Variants in OBI1 observed in about 807,000 individuals in gnomAD.
OBI1 encodes ORC ubiquitin ligase 1, also known as ring finger protein 219.
In OBI1, 59 loss-of-function variants were observed where a neutral mutation model predicts 62.4. The ratio of observed to expected loss-of-function variants is 0.95; its 90% CI spans 0.77 to 1.17. The LOEUF (loss-of-function observed/expected upper bound fraction) is 1.17. Among genes scored for constraint, OBI1 ranks in the 50% most tolerant of loss-of-function variants. The pLI, the probability that OBI1 is intolerant of heterozygous loss-of-function variation, is 0.00. For missense variants in OBI1, 875 were observed against 830.9 expected, an observed-to-expected ratio of 1.05 and a Z score of -0.65; for synonymous variants, 302 against 292.8, an observed-to-expected ratio of 1.03 and a Z score of -0.32.
chr13:78,657,590 T>C (rs1876750125), intron 1 of OBI1, among the ~76,000 whole-genome samples: 1 of 152,232 alleles, frequency 6.6e-6, no homozygotes, highest in Non-Finnish European at 1.5e-5. Context: ...CTATGAGGTA[T>C]CACTCTCGTT....
chr13:78,620,651 T>C (rs1325638), intron 5 of OBI1: 16,496 of 456,540 alleles, frequency 0.036, 2,100 homozygotes, highest in African/African-American at 0.29. Flanking sequence ...CTTGTCCAAA[T>C]AGCTCTAAGA....
chr13:78,624,376 T>C (rs1035100112), intron 5 of OBI1, among the ~76,000 whole-genome samples: 1 of 152,196 alleles, frequency 6.6e-6, no homozygotes, highest in Non-Finnish European at 1.5e-5. Context: ...AAAAGTACCA[T>C]TTAAAAATCA....
At chr13:78,644,701 C>T (rs1876329864) in intron 2 of OBI1, among the ~76,000 whole-genome samples, 161 bp downstream of exon 2, 1 of 152,072 alleles carries the variant, frequency 6.6e-6, no homozygotes, top group South Asian at 2.1e-4. Context: ...CCTTGTGCCC[C>T]AGTTGCTCCA....
chr13:78,639,142 G>A, intron 3 of OBI1, 71 bp from the exon 4 acceptor site: 2 of 1,459,256 alleles, frequency 1.4e-6, no homozygotes, highest in Non-Finnish European at 1.8e-6. Flanking sequence ...CTAAACTGAA[G>A]CCAACATGGT....
At chr13:78,617,440 A>G (rs1875349639) in intron 5 of OBI1, 1 of 228,486 alleles carries the variant, frequency 4.4e-6, no homozygotes, top group Non-Finnish European at 8.6e-6. Flanking sequence ...TCATATATGC[A>G]TGAAGAGTTA....
intron 5 of OBI1, among the ~76,000 whole-genome samples, chr13:78,620,065 T>C (rs1258747152): frequency 6.6e-6 from 1 of 152,216 alleles, no homozygotes; most frequent in Non-Finnish European, 1.5e-5. Flanking sequence ...CATTCTATAC[T>C]GCTCCACCCC....
chr13:78,642,101 T>G (rs774525026), intron 3 of OBI1, 21 bp downstream of exon 3: 9 of 1,443,954 alleles, frequency 6.2e-6, no homozygotes, highest in Middle Eastern at 1.8e-4. Context: ...AACATAATTT[T>G]AAACTTTGAT....
chr13:78,646,617 C>T (rs1224302371), intron 1 of OBI1, among the ~76,000 whole-genome samples: 2 of 151,920 alleles, frequency 1.3e-5, no homozygotes, highest in Non-Finnish European at 2.9e-5. Context: ...AACTGGAAGA[C>T]TAGGTCAAGG....
In OBI1 at chr13:78,626,545, CACATA is replaced by C. The variant is rs879904564; in HGVS notation, c.638+8560_638+8564del. ...TGTCTAGGAAAATTAGGGAGGGCCT[CACATA>C]TAAACCAACAACTGGGCTAGATCTC... is the stretch of plus-strand genomic sequence containing the variant. On this transcript the variant is annotated intron_variant, in intron 5 of 5. Coordinates refer to ENST00000282003, the MANE Select transcript of OBI1 (RefSeq NM_024546.4). 9.1e-3 allele frequency among the ~76,000 whole-genome samples: 1,387 copies of C among 152,092 alleles called. 20 individuals are homozygous for C. Among genetic ancestry groups the C allele is most frequent in the African/African-American group, 0.03 (1,242 of 41,448 alleles).
chr13:78,652,645 TG>T (rs1280705291), intron 1 of OBI1, among the ~76,000 whole-genome samples: 1 of 152,256 alleles, frequency 6.6e-6, no homozygotes, highest in Non-Finnish European at 1.5e-5. Flanking sequence ...TTCCACAGAC[TG>T]GGGGGTTTCA....
rs1278655763 is a variant in OBI1 at position 78,644,844 on chromosome 13, T to C, written c.208+18A>G. ...TGTTTCAAACCTATTCCTATGCATA[T>C]ATAAAACAGGCCCTTACCTATAATT... On this transcript the variant is annotated intron_variant, in intron 2 of 5. Coordinates refer to ENST00000282003, the MANE Select transcript of OBI1 (RefSeq NM_024546.4). 1.2e-6 allele frequency: 2 copies of C among 1,610,190 alleles called. No individual in the cohort carries two copies. Among genetic ancestry groups the C allele is most frequent in the Admixed American group, 1.7e-5 (1 of 59,982 alleles).
chr13:78,619,154 G>C (rs1462701486), intron 5 of OBI1, among the ~76,000 whole-genome samples: 2 of 151,948 alleles, frequency 1.3e-5, no homozygotes, highest in Non-Finnish European at 2.9e-5. Flanking sequence ...TACATAGTAA[G>C]TCAGTTGCTA....
chr13:78,617,241 T>A, intron 5 of OBI1, 119 bp from the exon 6 acceptor site: 1 of 707,452 alleles, frequency 1.4e-6, no homozygotes, highest in Non-Finnish European at 2.2e-6. Context: ...TTCAGACCAC[T>A]CAATGAGTAG....
In OBI1 at chr13:78,616,739, T is replaced by G; in HGVS notation, c.1022A>C (p.Asn341Thr). 6.2e-7 allele frequency: 1 copy of G among 1,614,220 alleles called. No homozygotes were observed. The highest frequency in any genetic ancestry group is 8.5e-7 in the Non-Finnish European group (1 of 1,180,024). Reference protein sequence around the residue: ...TSKADLNCSKNKDLYQEQVEV... With the variant: ...TSKADLNCSKTKDLYQEQVEV... ...TACCTGTTCTTGATATAGGTCTTTG[T>G]TCTTAGAACAGTTAAGGTCTGCTTT... is the stretch of plus-strand genomic sequence containing the variant. The change falls in exon 6 of 6, where the codon AAC becomes ACC. Residue 341 changes from asparagine to threonine, a missense_variant. By Grantham distance (65) the Asn-to-Thr change is moderately conservative (BLOSUM62 0). Transcript: ENST00000282003.
In OBI1 at chr13:78,659,044, A is replaced by G; in HGVS notation, c.72+5T>C. 1 of 1,612,502 alleles carries G rather than the reference A, an allele frequency of 6.2e-7. No homozygotes were observed. The highest frequency in any genetic ancestry group is 8.5e-7 in the Non-Finnish European group (1 of 1,179,160). On this transcript the variant is annotated splice_donor_5th_base_variant and intron_variant, in intron 1 of 5. Transcript: ENST00000282003. ...TTTGTAGCTGTGCCCACAATCACCCATTACCTTCCCCAAGCAAATGTGGCA... is the reference window on the plus strand; with the variant it reads ...TTTGTAGCTGTGCCCACAATCACCCGTTACCTTCCCCAAGCAAATGTGGCA...
chr13:78,628,672 G>A lies in OBI1; in HGVS notation c.638+6438C>T, dbSNP rs577034858. On this transcript the variant is annotated intron_variant, in intron 5 of 5. Transcript: ENST00000282003. ...AAACACTGAATAGTTTTAAGCAGGA[G>A]ATTTAAATAATTTTATATGTACTTT... Among the ~76,000 whole-genome samples the A allele has an allele frequency of 6.6e-5, 10 of 152,294 alleles. No individual in the cohort carries two copies. The South Asian group carries it at 2.1e-3, about 32-fold the overall frequency.
At position 78,643,410 on chromosome 13, in the gene OBI1, G is replaced by C. The variant is rs568353656; in HGVS notation, c.209-1197C>G. Among the ~76,000 whole-genome samples, 78 of 152,310 alleles carry C rather than the reference G, an allele frequency of 5.1e-4. 1 individual carries two copies. The South Asian group carries it at 8.9e-3, about 17-fold the overall frequency. ...CACCCAGGTACCAAGAGCCAACTCT[G>C]ATTGCGCCTTCAGATCTCTTATTTC... On this transcript the variant is annotated intron_variant, in intron 2 of 5. Transcript: ENST00000282003.
chr13:78,621,971 CA>C (rs757716995), intron 5 of OBI1, among the ~76,000 whole-genome samples: 15 of 152,032 alleles, frequency 9.9e-5, no homozygotes, highest in East Asian at 7.7e-4. Flanking sequence ...AAGTTTTTCA[CA>C]AAAAAACCAC....
chr13:78,618,031 G>C (rs2137426056), intron 5 of OBI1, among the ~76,000 whole-genome samples: 1 of 151,848 alleles, frequency 6.6e-6, no homozygotes, highest in East Asian at 1.9e-4. Flanking sequence ...GGTATATTTG[G>C]GGCTGGGAAC....
Sources: gnomAD v4.1 joint callset for allele counts (sites outside exome capture counted in the v4.1 genomes callset) on GRCh38, gnomAD v4.1.1 for gene constraint, MANE v1.5 for transcripts, NCBI Gene and HGNC (gene_info 2026-07-23, HGNC 2026-07-21) for gene names.